The following MYO1B variants were observed in gnomAD, a reference collection of about 807,000 sequenced individuals.
MYO1B encodes unconventional myosin-Ib.
MYO1B carries 72 observed loss-of-function variants against 159.7 expected under a neutral mutation model. The ratio of observed to expected loss-of-function variants is 0.45; its 90% CI spans 0.37 to 0.55. The LOEUF is 0.55. Among genes scored for constraint, MYO1B ranks in the 20% least tolerant of loss-of-function variants. The probability of loss-of-function intolerance (pLI) is 0.00; values close to 1 mark genes in which losing one functional copy is unlikely to be tolerated. For missense variants in MYO1B, 1,062 were observed against 1,364.8 expected (o/e 0.78, Z 3.50); for synonymous variants, 468 against 473.8 (o/e 0.99, Z 0.16).
intron 11 of MYO1B, among the ~76,000 whole-genome samples, chr2:191,366,775 C>T (rs868422831): frequency 6.6e-6 from 1 of 152,006 alleles, no homozygotes; most frequent in African/African-American, 2.4e-5. Context: ...ATTCTTTCTG[C>T]CCATCTAAAT....
intron 24 of MYO1B, among the ~76,000 whole-genome samples, chr2:191,403,041 A>G (rs940009502): frequency 1.3e-5 from 2 of 152,170 alleles, no homozygotes; most frequent in Admixed American, 6.5e-5. Flanking sequence ...CACAGTTACA[A>G]TAGTTGAGCT....
At chr2:191,405,611 T>C (rs1696869802) in intron 24 of MYO1B, among the ~76,000 whole-genome samples, 1 of 152,238 alleles carries the variant, frequency 6.6e-6, no homozygotes, top group East Asian at 1.9e-4. Flanking sequence ...TTAGCAGGCA[T>C]GAAAACATTA....
chr2:191,328,004 A>G (rs374674731), intron 3 of MYO1B, among the ~76,000 whole-genome samples: 2 of 152,188 alleles, frequency 1.3e-5, no homozygotes, highest in East Asian at 3.9e-4. Flanking sequence ...TATGCTGGCA[A>G]ATAATTGTAG....
At chr2:191,421,546 C>T (rs1697943695) in intron 30 of MYO1B, among the ~76,000 whole-genome samples, 1 of 151,894 alleles carries the variant, frequency 6.6e-6, no homozygotes, top group South Asian at 2.1e-4. Context: ...GATCCCGGCT[C>T]AATGCAGCCT....
At chr2:191,309,237 T>G (rs1342433032) in intron 3 of MYO1B, among the ~76,000 whole-genome samples, 1 of 152,214 alleles carries the variant, frequency 6.6e-6, no homozygotes, top group Non-Finnish European at 1.5e-5. Flanking sequence ...GCATCATCCT[T>G]TGGTTACTCG....
Position 191,387,261 on chromosome 2 carries a change from A to G in MYO1B, c.1592A>G (p.Asn531Ser), listed in dbSNP as rs1039784496. ...GTGGAAGGATTCGTTGACAAAAACA[A>G]TGACCTTCTCTATCGAGACCTGTCC... is the stretch of plus-strand genomic sequence containing the variant. ...YQVEGFVDKNNDLLYRDLSQA... is the reference protein window; with the variant it reads ...YQVEGFVDKNSDLLYRDLSQA... The change falls in exon 17 of 31, where the codon AAT (asparagine) becomes AGT (serine). Residue 531 changes from asparagine (N) to serine (S), a missense_variant. Transcript: ENST00000392318. 3 of 1,614,180 alleles carry G rather than the reference A, an allele frequency of 1.9e-6. No homozygotes were observed. Among genetic ancestry groups the G allele is most frequent in the South Asian group, 1.1e-5 (1 of 91,074 alleles).
chr2:191,369,126 A>G (rs778842494), intron 11 of MYO1B, among the ~76,000 whole-genome samples: 1 of 152,210 alleles, frequency 6.6e-6, no homozygotes, highest in Non-Finnish European at 1.5e-5. Context: ...ACAGTTGTTT[A>G]ATTTTCACAT....
chr2:191,311,359 A>C (rs955974927), intron 3 of MYO1B, among the ~76,000 whole-genome samples: 20 of 152,216 alleles, frequency 1.3e-4, no homozygotes, highest in Non-Finnish European at 2.4e-4. Context: ...ACATGCAGGC[A>C]TAATCATAGG....
At chr2:191,357,572 A>C (rs1002730881) in intron 7 of MYO1B, among the ~76,000 whole-genome samples, 4 of 152,222 alleles carry the variant, frequency 2.6e-5, no homozygotes, top group African/African-American at 4.8e-5. Context: ...CTTCTGTACT[A>C]AATATCCAGT....
At position 191,350,175 on chromosome 2, in the gene MYO1B, A is replaced by G. The variant is rs1339474538; in HGVS notation, c.512A>G (p.Asp171Gly). The stretch of plus-strand genomic sequence containing the variant: ...TTTCTTTGGCAGGGCAAATATATGG[A>G]TATTGAATTTGACTTTAAAGGCGAT... ...DNSSRFGKYM[D>G]IEFDFKGDPL... Residue 171 changes from aspartate to glycine, a missense_variant, in exon 7 of 31, where the codon GAT becomes GGT. Physicochemically the swap from Asp to Gly is moderately conservative, Grantham distance 94. Coordinates refer to ENST00000392318, the MANE Select transcript of MYO1B (RefSeq NM_001130158.3). 1 of 1,612,770 alleles carries G rather than the reference A, an allele frequency of 6.2e-7. No individual in the cohort carries two copies. Among genetic ancestry groups the G allele is most frequent in the Non-Finnish European group, 8.5e-7 (1 of 1,179,128 alleles).
In MYO1B at chr2:191,383,271, G is replaced by A; in HGVS notation, c.1291-9G>A. 6.4e-7 allele frequency: 1 copy of A among 1,556,396 alleles called. No individual in the cohort carries two copies. Among genetic ancestry groups the A allele is most frequent in the African/African-American group, 1.4e-5 (1 of 71,748 alleles). On this transcript the variant is annotated splice_polypyrimidine_tract_variant and intron_variant, in intron 14 of 30. Coordinates refer to ENST00000392318, the MANE Select transcript of MYO1B (RefSeq NM_001130158.3). The stretch of plus-strand genomic sequence containing the variant: ...GTGTCATTGGATTTTGTTCTGTTTT[G>A]TCTTTTAGGATATAGAATGGACTCA...
At chr2:191,385,345 AAGC>A (rs1269940934) in intron 15 of MYO1B, among the ~76,000 whole-genome samples, 8 of 152,242 alleles carry the variant, frequency 5.3e-5, no homozygotes, top group Non-Finnish European at 8.8e-5. Flanking sequence ...TGATTGTTAA[AAGC>A]AGCATCTCAA....
At position 191,326,776 on chromosome 2, in the gene MYO1B, G is replaced by A. The variant is rs963857194; in HGVS notation, c.252-3159G>A. ...AAGCCTTGTGTTTGTATATATGTGTGTGTGTGTGTGTGTGTGTGTGTGTGT... is the reference window on the plus strand; with the variant it reads ...AAGCCTTGTGTTTGTATATATGTGTATGTGTGTGTGTGTGTGTGTGTGTGT... On this transcript the variant is annotated intron_variant, in intron 3 of 30. Coordinates refer to ENST00000392318, the MANE Select transcript of MYO1B (RefSeq NM_001130158.3). Among the ~76,000 whole-genome samples, 325 of 88,902 alleles carry A rather than the reference G, an allele frequency of 3.7e-3. 1 individual carries two copies. The highest frequency in any genetic ancestry group is 0.014 in the African/African-American group (296 of 20,892). 58.3% of individuals were successfully genotyped at this position (88,902 alleles called of 152,430 possible).
chr2:191,357,638 G>A (rs1302339369), intron 7 of MYO1B, among the ~76,000 whole-genome samples: 2 of 152,160 alleles, frequency 1.3e-5, no homozygotes, highest in East Asian at 3.8e-4. Flanking sequence ...AATTGGCGGT[G>A]GTAGAAGTAC....
At chr2:191,423,573 G>A (rs1230356593) in intron 30 of MYO1B, among the ~76,000 whole-genome samples, 4 of 152,162 alleles carry the variant, frequency 2.6e-5, no homozygotes, top group African/African-American at 7.2e-5. Context: ...TCACTGAAAC[G>A]TTGTTAGGTA....
chr2:191,402,549 C>T (rs1696677386), intron 23 of MYO1B, 83 bp from the exon 24 acceptor site: 1 of 1,172,576 alleles, frequency 8.5e-7, no homozygotes, highest in Admixed American at 2.0e-5. Context: ...ATTGGCTCTT[C>T]TGTTTGGTGG....
chr2:191,422,457 A>G (rs964166289), intron 30 of MYO1B, among the ~76,000 whole-genome samples: 4 of 152,196 alleles, frequency 2.6e-5, no homozygotes, highest in Non-Finnish European at 4.4e-5. Context: ...TTATCCCAGC[A>G]GTGGTCCACA....
At chr2:191,400,872 A>C in intron 23 of MYO1B, 37 bp downstream of exon 23, 1 of 1,592,232 alleles carries the variant, frequency 6.3e-7, no homozygotes. Flanking sequence ...CCATCCTGGA[A>C]TTCTGCAATA....
At chr2:191,304,717 T>C (rs1211683861) in intron 3 of MYO1B, among the ~76,000 whole-genome samples, 20 of 152,252 alleles carry the variant, frequency 1.3e-4, no homozygotes, top group Admixed American at 1.2e-3. Context: ...CCTAATGTTT[T>C]TATCATGAAA....
Sources: gnomAD v4.1 joint callset for allele counts (sites outside exome capture counted in the v4.1 genomes callset) on GRCh38, gnomAD v4.1.1 for gene constraint, MANE v1.5 for transcripts, NCBI Gene and HGNC (gene_info 2026-07-23, HGNC 2026-07-21) for gene names.